Variants in ROBO2 observed in about 807,000 individuals in gnomAD.
ROBO2 encodes roundabout guidance receptor 2.
A neutral mutation model predicts 160.8 loss-of-function variants in ROBO2; 53 were observed. The ratio of observed to expected loss-of-function variants is 0.33; its 90% CI spans 0.26 to 0.41. The LOEUF (loss-of-function observed/expected upper bound fraction) is 0.41, where lower values mean the gene tolerates loss of function less well. Among genes scored for constraint, ROBO2 ranks in the 10% least tolerant of loss-of-function variants. The probability of loss-of-function intolerance (pLI) is 1.00; values close to 1 mark genes in which losing one functional copy is unlikely to be tolerated. For missense variants in ROBO2, 1,577 were observed against 1,722.4 expected (o/e 0.92, Z 1.49); for synonymous variants, 664 against 611.7 (o/e 1.09, Z -1.26).
At chr3:77,191,703 G>A (rs1488033928) in intron 2 of ROBO2, among the ~76,000 whole-genome samples, 1 of 152,118 alleles carries the variant, frequency 6.6e-6, no homozygotes, top group East Asian at 1.9e-4. Flanking sequence ...GGCCTCTGAG[G>A]ACCTGAGAAC....
At chr3:76,946,217 G>GT (rs1421420302) in intron 2 of ROBO2, among the ~76,000 whole-genome samples, 1 of 152,084 alleles carries the variant, frequency 6.6e-6, no homozygotes, top group Non-Finnish European at 1.5e-5. Flanking sequence ...GAATTATGAG[G>GT]TTTTATGCAC....
At position 76,752,181 on chromosome 3, in the gene ROBO2, C is replaced by T. The variant is rs557449664; in HGVS notation, c.110-345833C>T. Among the ~76,000 whole-genome samples, 6 of 151,800 alleles carry T rather than the reference C, an allele frequency of 4.0e-5. No homozygotes were observed. In the South Asian group the frequency reaches 8.3e-4, roughly 21 times the overall value. On this transcript the variant is annotated intron_variant, in intron 2 of 26. Transcript: ENST00000487694. ...GCCAGAAACCATCATTCTGAACTAT[C>T]GCAAGGACAGAAAACCAAACACCGC...
At chr3:77,249,808 T>C (rs1267676450) in intron 2 of ROBO2, among the ~76,000 whole-genome samples, 1 of 151,286 alleles carries the variant, frequency 6.6e-6, no homozygotes, top group Admixed American at 6.6e-5. Flanking sequence ...GCTACTATAT[T>C]TTATTATTAT....
At chr3:76,042,027 T>TA (rs36067726) in intron 2 of ROBO2, among the ~76,000 whole-genome samples, 106 of 142,980 alleles carry the variant, frequency 7.4e-4, no homozygotes, top group Admixed American at 1.2e-3. Flanking sequence ...AGAGAGAGGT[T>TA]AAAAAAAAAA....
chr3:76,285,112 G>T (rs928890211), intron 2 of ROBO2, among the ~76,000 whole-genome samples: 3 of 152,038 alleles, frequency 2.0e-5, no homozygotes, highest in Admixed American at 2.0e-4. Flanking sequence ...GGGACGAGAA[G>T]AACTTTTCTT....
chr3:75,940,919 T>C (rs1948026910), intron 2 of ROBO2, among the ~76,000 whole-genome samples: 1 of 151,996 alleles, frequency 6.6e-6, no homozygotes, highest in Non-Finnish European at 1.5e-5. Flanking sequence ...CAGCAGCAGT[T>C]ATTATATTCA....
At chr3:76,825,430 GC>G (rs2066486849) in intron 2 of ROBO2, among the ~76,000 whole-genome samples, 1 of 151,894 alleles carries the variant, frequency 6.6e-6, no homozygotes, top group South Asian at 2.1e-4. Flanking sequence ...AAATAATGTT[GC>G]TTTTAATTCA....
chr3:75,961,058 A>C (rs1304045247), intron 2 of ROBO2, among the ~76,000 whole-genome samples: 1 of 151,698 alleles, frequency 6.6e-6, no homozygotes, highest in Middle Eastern at 3.2e-3. Flanking sequence ...ATTTACAGGA[A>C]GAACTGAAGG....
chr3:76,567,994 C>T (rs1161120763), intron 2 of ROBO2, among the ~76,000 whole-genome samples: 2 of 149,772 alleles, frequency 1.3e-5, no homozygotes, highest in East Asian at 4.0e-4. Context: ...TTTGTATTTT[C>T]AGTAGAGACG....
At chr3:76,773,434 C>T (rs554095982) in intron 2 of ROBO2, among the ~76,000 whole-genome samples, 3 of 150,910 alleles carry the variant, frequency 2.0e-5, no homozygotes, top group African/African-American at 7.3e-5. Context: ...GACAAGATTT[C>T]CATATATACA....
At chr3:76,854,032 CTCT>C (rs2069732589) in intron 2 of ROBO2, among the ~76,000 whole-genome samples, 2 of 68,120 alleles carry the variant, frequency 2.9e-5, no homozygotes, top group Admixed American at 2.9e-4. Flanking sequence ...CTCTCTCTCT[CTCT>C]CTCTCTCTCT....
intron 2 of ROBO2, among the ~76,000 whole-genome samples, chr3:76,087,813 G>A (rs1164305197): frequency 6.6e-6 from 1 of 151,960 alleles, no homozygotes; most frequent in Non-Finnish European, 1.5e-5. Flanking sequence ...CCATGAGGCA[G>A]TAAAGCATTG....
rs190583038 is a variant in ROBO2, at chr3:76,951,880, C to T, written c.110-146134C>T. Among the ~76,000 whole-genome samples the T allele has an allele frequency of 1.8e-3, 277 of 152,318 alleles. 1 individual carries two copies. The highest frequency in any genetic ancestry group is 5.7e-3 in the African/African-American group (238 of 41,568). On this transcript the variant is annotated intron_variant, in intron 2 of 26. Transcript: ENST00000487694. ...TTGTTTCTAAAGCCCCAACCGTAGG[C>T]ATACAGCCATTGATACTATGAAACT...
rs145885756 is a variant in ROBO2, at chr3:75,976,789, G to A, written c.109+39187G>A. On this transcript the variant is annotated intron_variant, in intron 2 of 26. Transcript: ENST00000487694. Reference sequence around the variant, plus strand: ...GGAATTAGAAACAAGAAGAAGACTCGGAGGAAATAAAAGGGAGAGAAATCC... The same window carrying A: ...GGAATTAGAAACAAGAAGAAGACTCAGAGGAAATAAAAGGGAGAGAAATCC... 7.3e-5 allele frequency among the ~76,000 whole-genome samples: 11 copies of A among 151,454 alleles called. No homozygotes were observed. The East Asian group carries it at 1.4e-3, about 19-fold the overall frequency.
chr3:76,091,993 AGTG>A (rs10603283), intron 2 of ROBO2, among the ~76,000 whole-genome samples: 100,355 of 151,566 alleles, frequency 0.66, 34,250 homozygotes, highest in African/African-American at 0.84. Flanking sequence ...ATGATACACT[AGTG>A]GTGAATATAC....
chr3:77,284,416 C>A (rs954164591), intron 2 of ROBO2, among the ~76,000 whole-genome samples: 1 of 152,022 alleles, frequency 6.6e-6, no homozygotes, highest in Non-Finnish European at 1.5e-5. Context: ...GGTACCTAGC[C>A]GTGATGATTA....
At chr3:76,545,489 CTG>C (rs1201798343) in intron 2 of ROBO2, among the ~76,000 whole-genome samples, 2 of 151,942 alleles carry the variant, frequency 1.3e-5, no homozygotes, top group Non-Finnish European at 2.9e-5. Context: ...ACTGGGGAAA[CTG>C]AGATGATTCT....
rs147878390 is a variant in ROBO2, at chr3:77,180,973, T to C, written c.388+82633T>C. On this transcript the variant is annotated intron_variant, in intron 2 of 25. Coordinates refer to ENST00000461745, the Ensembl canonical transcript of ROBO2. The stretch of plus-strand genomic sequence containing the variant: ...GGACCAGATCCAACCTAGCTGCATT[T>C]AACTTGCTGCCAAACTCAACAGACA... 6.6e-5 allele frequency among the ~76,000 whole-genome samples: 10 copies of C among 152,210 alleles called. No individual in the cohort carries two copies. In the East Asian group the frequency reaches 1.5e-3, roughly 24 times the overall value.
chr3:75,909,863 C>T (rs1269307228), intron 1 of ROBO2, among the ~76,000 whole-genome samples: 2 of 152,116 alleles, frequency 1.3e-5, no homozygotes, highest in African/African-American at 2.4e-5. Context: ...AGAGCAAGAC[C>T]AATTGTATTC....
Sources: allele counts gnomAD v4.1 joint callset (sites outside exome capture counted in the v4.1 genomes callset), GRCh38; gene constraint gnomAD v4.1.1; transcripts MANE v1.5; gene names NCBI Gene and HGNC (gene_info 2026-07-23, HGNC 2026-07-21).